Variants in RIMS2 observed in about 807,000 individuals in gnomAD.
The protein encoded by RIMS2 is regulating synaptic membrane exocytosis protein 2.
In RIMS2, 59 loss-of-function variants were observed where a neutral mutation model predicts 174.4. The ratio of observed to expected loss-of-function variants is 0.34; its 90% CI spans 0.27 to 0.42. The LOEUF (loss-of-function observed/expected upper bound fraction) is 0.42, where lower values mean the gene tolerates loss of function less well. Among genes scored for constraint, RIMS2 ranks in the 10% least tolerant of loss-of-function variants. RIMS2 has a pLI of 1.00. For missense variants in RIMS2, 1,620 were observed against 1,666.3 expected (o/e 0.97, Z 0.48); for synonymous variants, 606 against 572.5 (o/e 1.06, Z -0.84).
intron 1 of RIMS2, among the ~76,000 whole-genome samples, chr8:103,638,373 G>C (rs2096140183): frequency 6.6e-6 from 1 of 152,058 alleles, no homozygotes; most frequent in Non-Finnish European, 1.5e-5. Flanking sequence ...AGTTACTACT[G>C]TGATGCTCTA....
chr8:103,676,896 A>G (rs1321081134), intron 1 of RIMS2, among the ~76,000 whole-genome samples: 1 of 152,186 alleles, frequency 6.6e-6, no homozygotes, highest in Non-Finnish European at 1.5e-5. Flanking sequence ...AGGCAGGAGA[A>G]TAGCTTGAAC....
At chr8:103,600,039 C>T (rs925408575) in intron 1 of RIMS2, among the ~76,000 whole-genome samples, 7 of 151,954 alleles carry the variant, frequency 4.6e-5, no homozygotes, top group African/African-American at 1.7e-4. Context: ...CTCCGCTAAC[C>T]CCTCACTACC....
chr8:103,822,201 T>C (rs2098756128), intron 3 of RIMS2, among the ~76,000 whole-genome samples: 1 of 151,794 alleles, frequency 6.6e-6, no homozygotes, highest in Admixed American at 6.6e-5. Context: ...AGGGGGCCTT[T>C]TCAAGTAGTT....
At chr8:104,017,360 G>T (rs997816979) in intron 19 of RIMS2, among the ~76,000 whole-genome samples, 1 of 151,720 alleles carries the variant, frequency 6.6e-6, no homozygotes. Context: ...GCCAAAATAT[G>T]AGCAAGTCAT....
chr8:104,217,815 C>T (rs1182596919), intron 19 of RIMS2, among the ~76,000 whole-genome samples: 1 of 152,102 alleles, frequency 6.6e-6, no homozygotes, highest in South Asian at 2.1e-4. Flanking sequence ...CTATTAAATA[C>T]CTTTAGCAAT....
intron 3 of RIMS2, among the ~76,000 whole-genome samples, chr8:103,814,698 G>C (rs1422791181): frequency 1.3e-5 from 2 of 151,986 alleles, no homozygotes; most frequent in Non-Finnish European, 2.9e-5. Context: ...AACATAGTGA[G>C]ACCCCCTCCA....
At chr8:103,790,787 T>G (rs1339043915) in intron 3 of RIMS2, among the ~76,000 whole-genome samples, 1 of 152,246 alleles carries the variant, frequency 6.6e-6, no homozygotes, top group Non-Finnish European at 1.5e-5. Flanking sequence ...TCACTAAGAT[T>G]AATACATATT....
intron 1 of RIMS2, among the ~76,000 whole-genome samples, chr8:103,661,745 A>G (rs981558874): frequency 8.5e-5 from 13 of 152,140 alleles, no homozygotes; most frequent in Admixed American, 2.6e-4. Context: ...AGCTCGGGCA[A>G]TCTGCCCGCT....
chr8:103,618,251 T>C (rs1289037219), intron 1 of RIMS2, among the ~76,000 whole-genome samples: 1 of 152,124 alleles, frequency 6.6e-6, no homozygotes, highest in Non-Finnish European at 1.5e-5. Context: ...ATATTCTCAC[T>C]TATAAGAGAA....
chr8:103,566,411 A>T (rs755962189), intron 1 of RIMS2, among the ~76,000 whole-genome samples: 3 of 152,176 alleles, frequency 2.0e-5, no homozygotes, highest in African/African-American at 7.2e-5. Context: ...GTCATTTTCT[A>T]TAGATTTTCA....
chr8:103,886,615 A>G (rs377680792), intron 4 of RIMS2, among the ~76,000 whole-genome samples: 17 of 151,912 alleles, frequency 1.1e-4, no homozygotes, highest in African/African-American at 3.9e-4. Context: ...AAAGAATGAA[A>G]TGCAAGTTAT....
intron 1 of RIMS2, among the ~76,000 whole-genome samples, chr8:103,671,457 G>T (rs1320956281): frequency 6.6e-6 from 1 of 152,172 alleles, no homozygotes; most frequent in Admixed American, 6.5e-5. Flanking sequence ...TTATAAATCA[G>T]TTAGTCTTTT....
intron 1 of RIMS2, among the ~76,000 whole-genome samples, chr8:103,622,905 C>T (rs1485376251): frequency 6.6e-6 from 1 of 152,170 alleles, no homozygotes; most frequent in African/African-American, 2.4e-5. Flanking sequence ...ATCATGCTGG[C>T]ATAGCACAGA....
At chr8:103,650,512 G>C (rs2096432224) in intron 1 of RIMS2, among the ~76,000 whole-genome samples, 1 of 152,202 alleles carries the variant, frequency 6.6e-6, no homozygotes. Context: ...TCCAAAGCTG[G>C]AATGGCTGAG....
At chr8:104,009,596 T>G (rs1385333744) in intron 17 of RIMS2, among the ~76,000 whole-genome samples, 1 of 152,142 alleles carries the variant, frequency 6.6e-6, no homozygotes, top group Non-Finnish European at 1.5e-5. Flanking sequence ...TGTCAGGCAC[T>G]TCTGCTATTG....
chr8:103,986,964 A>G (rs2094406773), intron 16 of RIMS2, among the ~76,000 whole-genome samples: 1 of 152,060 alleles, frequency 6.6e-6, no homozygotes, highest in Admixed American at 6.6e-5. Flanking sequence ...TCTTCCCGCC[A>G]TCCACCCATA....
At chr8:103,583,096 A>G (rs1236736985) in intron 1 of RIMS2, among the ~76,000 whole-genome samples, 1 of 152,188 alleles carries the variant, frequency 6.6e-6, no homozygotes, top group Non-Finnish European at 1.5e-5. Flanking sequence ...ACACAGAGAG[A>G]GACACTTTAT....
rs117509322 is a variant in RIMS2 at position 104,177,981 on chromosome 8, A to T, written c.3335-66935A>T. Among the ~76,000 whole-genome samples, 1,047 of 152,292 alleles carry T rather than the reference A, an allele frequency of 6.9e-3. 7 individuals are homozygous for T. Among genetic ancestry groups the T allele is most frequent in the Middle Eastern group, 0.014 (4 of 292 alleles). ...AAGAACTCTAATGATGGTGTCTACC[A>T]TATGGAAGCAGACAAGAAATGAGCT... On this transcript the variant is annotated intron_variant, in intron 19 of 23. Coordinates refer to ENST00000504942, the Ensembl canonical transcript of RIMS2.
intron 19 of RIMS2, among the ~76,000 whole-genome samples, chr8:104,182,389 G>T (rs76155503): frequency 0.023 from 3,489 of 151,698 alleles, 135 homozygotes; most frequent in African/African-American, 0.077. Flanking sequence ...GATTCATACA[G>T]CACATATCTG....
Sources: gnomAD v4.1 joint callset for allele counts (sites outside exome capture counted in the v4.1 genomes callset) on GRCh38, gnomAD v4.1.1 for gene constraint, MANE v1.5 for transcripts, NCBI Gene and HGNC (gene_info 2026-07-23, HGNC 2026-07-21) for gene names.